The following PTPN3 variants were observed in gnomAD, a reference collection of about 807,000 sequenced individuals.
PTPN3 encodes tyrosine-protein phosphatase non-receptor type 3.
A neutral mutation model predicts 132.7 loss-of-function variants in PTPN3; 96 were observed. The observed-to-expected ratio is 0.72, with a 90% CI of 0.61 to 0.86. PTPN3 has a LOEUF of 0.86. Among genes scored for constraint, PTPN3 ranks in the 40% least tolerant of loss-of-function variants. The pLI is 0.00. For missense variants in PTPN3, 1,125 were observed against 1,159.6 expected, an observed-to-expected ratio of 0.97 and a Z score of 0.43; for synonymous variants, 398 against 429.0, an observed-to-expected ratio of 0.93 and a Z score of 0.89.
the PTPN3 span, among the ~76,000 whole-genome samples, chr9:109,530,994 A>G: frequency 6.6e-6 from 1 of 152,166 alleles, no homozygotes; most frequent in African/African-American, 2.4e-5. Context: ...TGATTTGCAG[A>G]TATTTTATCC....
Position 109,465,039 on chromosome 9 carries a change from G to T in PTPN3, c.-17-1588C>A, listed in dbSNP as rs114537109. ...ACAATTTACCAAGCTCTACATTTATGATTTGTGTACTTTTCCATATGTATG... is the reference window on the plus strand; with the variant it reads ...ACAATTTACCAAGCTCTACATTTATTATTTGTGTACTTTTCCATATGTATG... On this transcript the variant is annotated intron_variant, in intron 1 of 25. Coordinates refer to ENST00000374541, the MANE Select transcript of PTPN3 (RefSeq NM_002829.4). Among the ~76,000 whole-genome samples the T allele has an allele frequency of 2.4e-3, 369 of 152,310 alleles. 2 individuals are homozygous for T. Among genetic ancestry groups the T allele is most frequent in the African/African-American group, 8.5e-3 (354 of 41,576 alleles).
At chr9:109,534,267 G>T in the PTPN3 span, 7 of 1,538,504 alleles carry the variant, frequency 4.5e-6, no homozygotes, top group South Asian at 8.0e-5. Context: ...TGTCACCGGC[G>T]CTGAGGGCGG....
chr9:109,500,767 C>CA (rs57509273), upstream of PTPN3, among the ~76,000 whole-genome samples: 20 of 150,302 alleles, frequency 1.3e-4, no homozygotes, highest in South Asian at 1.5e-3. Context: ...CCCATCTTTA[C>CA]AAAAAAAAAC....
intron 6 of PTPN3, among the ~76,000 whole-genome samples, chr9:109,447,462 G>A (rs1239133943): frequency 6.6e-6 from 1 of 151,988 alleles, no homozygotes; most frequent in Non-Finnish European, 1.5e-5. Context: ...CCCCCTCACT[G>A]GGGGTGATCA....
chr9:109,478,071 T>G (rs1358842042), intron 1 of PTPN3, among the ~76,000 whole-genome samples: 7 of 152,116 alleles, frequency 4.6e-5, no homozygotes, highest in East Asian at 3.9e-4. Flanking sequence ...ACCCTGAGCT[T>G]CTTTCAACCT....
intron 19 of PTPN3, among the ~76,000 whole-genome samples, chr9:109,394,666 A>C (rs901549838): frequency 6.6e-6 from 1 of 152,252 alleles, no homozygotes; most frequent in Admixed American, 6.5e-5. Flanking sequence ...AAATTTATAC[A>C]AATTATACAA....
the PTPN3 span, among the ~76,000 whole-genome samples, chr9:109,532,128 A>T: frequency 1.3e-5 from 2 of 152,172 alleles, no homozygotes; most frequent in African/African-American, 4.8e-5. Flanking sequence ...AAATGTTCCG[A>T]TCTTAGCACT....
chr9:109,438,416 AC>A (rs1844214172), intron 7 of PTPN3, among the ~76,000 whole-genome samples, 182 bp from the exon 8 acceptor site: 1 of 152,214 alleles, frequency 6.6e-6, no homozygotes. Context: ...CTGAGCCTTC[AC>A]TATAGGCTAA....
chr9:109,492,086 T>C (rs1188255245), intron 1 of PTPN3, among the ~76,000 whole-genome samples: 1 of 152,108 alleles, frequency 6.6e-6, no homozygotes, highest in Non-Finnish European at 1.5e-5. Flanking sequence ...ATGAATGCAT[T>C]TGATAACCAG....
chr9:109,382,860 T>C (rs1443430885), intron 23 of PTPN3, among the ~76,000 whole-genome samples: 1 of 152,088 alleles, frequency 6.6e-6, no homozygotes, highest in African/African-American at 2.4e-5. Context: ...CGCAATGTTG[T>C]AGAGCCATCA....
At chr9:109,408,511 T>C (rs377209485) in intron 16 of PTPN3, 134 bp from the exon 17 acceptor site, 37 of 585,676 alleles carry the variant, frequency 6.3e-5, no homozygotes, top group East Asian at 5.8e-4. Flanking sequence ...CAGGGAGGCT[T>C]CAAACTTCAC....
At chr9:109,383,281 T>A (rs1839268254) in intron 23 of PTPN3, 142 bp downstream of exon 23, 1 of 1,451,058 alleles carries the variant, frequency 6.9e-7, no homozygotes, top group African/African-American at 1.4e-5. Flanking sequence ...GCCCTGGCTC[T>A]TTGATGGGCA....
intron 5 of PTPN3, among the ~76,000 whole-genome samples, chr9:109,452,544 T>G (rs147141766): frequency 3.7e-3 from 562 of 152,028 alleles, no homozygotes; most frequent in Non-Finnish European, 4.4e-3. Context: ...ATTATGTTGT[T>G]TTTAAGACAT....
At position 109,490,594 on chromosome 9, in the gene PTPN3, C is replaced by T. The variant is rs534931053; in HGVS notation, c.-18+7625G>A. Among the ~76,000 whole-genome samples the T allele has an allele frequency of 2.1e-3, 325 of 152,214 alleles. 2 individuals carry two copies. Among genetic ancestry groups the T allele is most frequent in the African/African-American group, 7.7e-3 (320 of 41,532 alleles). On this transcript the variant is annotated intron_variant, in intron 1 of 25. Coordinates refer to ENST00000374541, the MANE Select transcript of PTPN3 (RefSeq NM_002829.4). The stretch of plus-strand genomic sequence containing the variant: ...CTCTACTAAAAATACAAAAAATTAG[C>T]CGGGCGTGGTGGCACATGCCTGTAA...
At chr9:109,506,330 A>G in the PTPN3 span, among the ~76,000 whole-genome samples, 2 of 152,358 alleles carry the variant, frequency 1.3e-5, no homozygotes, top group East Asian at 1.9e-4. Context: ...TGCAGGATAC[A>G]CACAAAACTG....
At chr9:109,434,851 T>C (rs1449601233) in intron 9 of PTPN3, among the ~76,000 whole-genome samples, 1 of 152,120 alleles carries the variant, frequency 6.6e-6, no homozygotes, top group East Asian at 1.9e-4. Context: ...GTGGAAGACA[T>C]AAGAAACGTC....
chr9:109,457,251 C>T, intron 3 of PTPN3, 36 bp from the exon 4 acceptor site: 1 of 1,613,078 alleles, frequency 6.2e-7, no homozygotes, highest in Non-Finnish European at 8.5e-7. Flanking sequence ...TAAAAGCAAA[C>T]CGTGAAGGAG....
At chr9:109,390,732 C>T (rs1215593630) in intron 21 of PTPN3, among the ~76,000 whole-genome samples, 2 of 151,876 alleles carry the variant, frequency 1.3e-5, no homozygotes, top group East Asian at 3.9e-4. Context: ...TTCTTTTTGG[C>T]TTATATGTAC....
At position 109,450,554 on chromosome 9, in the gene PTPN3, G is replaced by T. The variant is rs1420645868; in HGVS notation, c.369-1699C>A. Reference sequence around the variant, plus strand: ...GCAAAGTTTCTGAGTCAACCCCATGGCATCATACACAAAGAAACTAGAATA... The same window carrying T: ...GCAAAGTTTCTGAGTCAACCCCATGTCATCATACACAAAGAAACTAGAATA... On this transcript the variant is annotated intron_variant, in intron 5 of 25. Coordinates refer to ENST00000374541, the MANE Select transcript of PTPN3 (RefSeq NM_002829.4). The T allele has an allele frequency of 4.1e-6, 4 of 984,960 alleles. No individual in the cohort carries two copies. In the African/African-American group the frequency reaches 5.2e-5, roughly 13 times the overall value. 61.0% of individuals were successfully genotyped at this position (984,960 alleles called of 1,614,324 possible). A position where few individuals can be genotyped will look rare whatever the true frequency, so the allele number is the denominator to read the frequency against.
Sources: allele counts gnomAD v4.1 joint callset (sites outside exome capture counted in the v4.1 genomes callset), GRCh38; gene constraint gnomAD v4.1.1; transcripts MANE v1.5; gene names NCBI Gene and HGNC (gene_info 2026-07-23, HGNC 2026-07-21).